Variants in ZNF514 observed in about 807,000 individuals in gnomAD.
The protein encoded by ZNF514 is zinc finger protein 514.
Under a neutral mutation model 9.7 loss-of-function variants are expected in ZNF514, and 12 were observed. The ratio of observed to expected loss-of-function variants is 1.24; its 90% CI spans 0.79 to 2.01. The LOEUF is 2.01. Among genes scored for constraint, ZNF514 ranks in the 30% most tolerant of loss-of-function variants. ZNF514 has a pLI of 0.00. For missense variants in ZNF514, 467 were observed against 465.5 expected (o/e 1.00, Z -0.03); for synonymous variants, 158 against 163.7 (o/e 0.97, Z 0.27).
chr2:95,130,777 C>T, the ZNF514 span, among the ~76,000 whole-genome samples: 2 of 152,318 alleles, frequency 1.3e-5, no homozygotes, highest in South Asian at 4.1e-4. Flanking sequence ...CTCAAACACA[C>T]ATGCTGTACA....
rs762474666 is a variant in ZNF514 at position 95,157,467 on chromosome 2, A to T, written c.-95-28T>A. ...GGGAAGGTAGAAGGAGACATAAGGG[A>T]AGCTGACCCAGCCAGCACACACAGC... is the stretch of plus-strand genomic sequence containing the variant. On this transcript the variant is annotated intron_variant, in intron 1 of 4. Coordinates refer to ENST00000295208, the MANE Select transcript of ZNF514 (RefSeq NM_032788.3). 4.0e-6 allele frequency: 5 copies of T among 1,258,576 alleles called. No homozygotes were observed. In the South Asian group the frequency reaches 6.2e-5, roughly 16 times the overall value. The allele number at this position is 1,258,576 out of a possible 1,614,324, so 78.0% of individuals were successfully genotyped here.
chr2:95,152,692 A>T lies in ZNF514; in HGVS notation c.199T>A (p.Ser67Thr). The T allele has an allele frequency of 6.2e-7, 1 of 1,614,142 alleles. No homozygotes were observed. The highest frequency in any genetic ancestry group is 8.5e-7 in the Non-Finnish European group (1 of 1,180,002). ...GEPFMVEREI[S>T]TGAHSDWKRR... is the part of the protein sequence containing the mutation. The stretch of plus-strand genomic sequence containing the variant: ...CACTCACCTGAGTGGGCTCCTGTTG[A>T]GATTTCTCTCTCCACCATGAAGGGC... The change falls in exon 4 of 5, where the codon TCA becomes ACA. Residue 67 changes from serine to threonine, a missense_variant. Transcript: ENST00000295208.
the ZNF514 span, among the ~76,000 whole-genome samples, chr2:95,132,400 G>A: frequency 6.6e-6 from 1 of 152,086 alleles, no homozygotes; most frequent in Admixed American, 6.5e-5. Context: ...TTAGGGAAAT[G>A]CAAATCAAAC....
downstream of ZNF514, among the ~76,000 whole-genome samples, chr2:95,140,450 T>C (rs1573369837): frequency 1.3e-5 from 2 of 151,696 alleles, no homozygotes; most frequent in East Asian, 1.9e-4. Context: ...TGAAACCCCA[T>C]CTCTATTAAA....
chr2:95,153,421 C>T (rs1673598657), intron 2 of ZNF514, 162 bp from the exon 3 acceptor site: 3 of 577,200 alleles, frequency 5.2e-6, no homozygotes, highest in South Asian at 1.2e-4. Flanking sequence ...GTTTTATTCT[C>T]AATCTAGTTA....
chr2:95,130,896 T>C, the ZNF514 span, among the ~76,000 whole-genome samples: 1 of 152,168 alleles, frequency 6.6e-6, no homozygotes, highest in East Asian at 1.9e-4. Flanking sequence ...ATCACAAGGG[T>C]ATTGATTGGG....
chr2:95,152,760 A>T lies in ZNF514; in HGVS notation c.131T>A (p.Val44Glu). Reference protein sequence around the residue: ...FRNLAILGLLVSKPYVICQLE... With the variant: ...FRNLAILGLLESKPYVICQLE... ...CTGGCAGATCACATATGGTTTGGAT[A>T]CTAGAAGGCCTGATGGTAGAGAAGG... The change falls in exon 4 of 5, where the codon GTA (valine) becomes GAA (glutamate). Residue 44 changes from valine to glutamate, a missense_variant. Physicochemically the swap from Val to Glu is moderately radical, Grantham distance 121. Transcript: ENST00000295208. 6.2e-7 allele frequency: 1 copy of T among 1,614,126 alleles called. No homozygotes were observed. Among genetic ancestry groups the T allele is most frequent in the Non-Finnish European group, 8.5e-7 (1 of 1,179,972 alleles).
In ZNF514 at chr2:95,149,210, T is replaced by C; in HGVS notation, c.*72A>G. 1 of 1,496,298 alleles carries C rather than the reference T, an allele frequency of 6.7e-7. No individual in the cohort carries two copies. The highest frequency in any genetic ancestry group is 2.3e-5 in the Admixed American group (1 of 44,102). 92.7% of individuals were successfully genotyped at this position (1,496,298 alleles called of 1,614,324 possible). ...ACATACATTACACCTTTAGGATCTC[T>C]CTCTGATATGAATTCTTTAAGTTCC... On this transcript the variant is annotated 3_prime_UTR_variant, in exon 5 of 5. Coordinates refer to ENST00000295208, the MANE Select transcript of ZNF514 (RefSeq NM_032788.3).
intron 4 of ZNF514, among the ~76,000 whole-genome samples, chr2:95,151,820 T>G (rs1449952034): frequency 2.0e-5 from 3 of 152,146 alleles, no homozygotes; most frequent in Non-Finnish European, 4.4e-5. Context: ...AACAGATGAC[T>G]AGATCCAGAT....
chr2:95,131,088 G>A, the ZNF514 span, among the ~76,000 whole-genome samples: 4 of 152,278 alleles, frequency 2.6e-5, no homozygotes, highest in East Asian at 3.9e-4. Context: ...CTGACTTCCC[G>A]CAATAGGAGG....
intron 2 of ZNF514, chr2:95,154,113 C>T (rs1660343736): frequency 6.6e-6 from 1 of 152,258 alleles, no homozygotes; most frequent in African/African-American, 2.4e-5. Flanking sequence ...TGAGCTTCTG[C>T]CTCACCCTGC....
chr2:95,155,972 G>A (rs1673677236), intron 2 of ZNF514, among the ~76,000 whole-genome samples: 1 of 152,180 alleles, frequency 6.6e-6, no homozygotes, highest in African/African-American at 2.4e-5. Flanking sequence ...GTCACAGTCA[G>A]CCCACTACTG....
At position 95,146,119 on chromosome 2, in the gene ZNF514, G is replaced by A. The variant is rs962881501; in HGVS notation, c.*3163C>T. ...TTAGTCTTAAGGTCTCTGTTTTAAG[G>A]CAAATGCTGGTCAACTGTGCCTACA... On this transcript the variant is annotated 3_prime_UTR_variant, in exon 5 of 5. Transcript: ENST00000295208. Among the ~76,000 whole-genome samples, 2 of 152,120 alleles carry A rather than the reference G, an allele frequency of 1.3e-5. No individual in the cohort carries two copies. The highest frequency in any genetic ancestry group is 2.9e-5 in the Non-Finnish European group (2 of 68,020).
the ZNF514 span, among the ~76,000 whole-genome samples, chr2:95,134,001 T>A: frequency 1.3e-5 from 2 of 152,292 alleles, no homozygotes; most frequent in East Asian, 3.9e-4. Flanking sequence ...TGCATGAGAA[T>A]CTACAGTTAT....
In ZNF514 at chr2:95,152,708, C is replaced by A; in HGVS notation, c.183G>T (p.Met61Ile). 1 of 1,614,150 alleles carries A rather than the reference C, an allele frequency of 6.2e-7. No individual in the cohort carries two copies. The highest frequency in any genetic ancestry group is 8.5e-7 in the Non-Finnish European group (1 of 1,180,024). Reference protein sequence around the residue: ...CQLEEGGEPFMVEREISTGAH... With the variant: ...CQLEEGGEPFIVEREISTGAH... ...CTCCTGTTGAGATTTCTCTCTCCAC[C>A]ATGAAGGGCTCACCCCCTTCCTCCA... Residue 61 changes from methionine (M) to isoleucine (I), a missense_variant, in exon 4 of 5, where the codon ATG becomes ATT. Transcript: ENST00000295208.
chr2:95,126,970 T>C, the ZNF514 span, among the ~76,000 whole-genome samples: 1 of 152,136 alleles, frequency 6.6e-6, no homozygotes, highest in African/African-American at 2.4e-5. Context: ...GACCTAAAAC[T>C]CCACCAATCA....
chr2:95,136,493 C>T, the ZNF514 span, among the ~76,000 whole-genome samples: 6 of 152,038 alleles, frequency 3.9e-5, no homozygotes, highest in Non-Finnish European at 7.4e-5. Flanking sequence ...GTGATCCACC[C>T]GCCTCTGCCT....
chr2:95,152,708 C>T lies in ZNF514; in HGVS notation c.183G>A (p.Met61Ile). The change falls in exon 4 of 5, where the codon ATG (methionine) becomes ATA (isoleucine). Residue 61 changes from methionine (M) to isoleucine (I), a missense_variant. Transcript: ENST00000295208. ...CQLEEGGEPF[M>I]VEREISTGAH... ...CTCCTGTTGAGATTTCTCTCTCCAC[C>T]ATGAAGGGCTCACCCCCTTCCTCCA... 6.2e-7 allele frequency: 1 copy of T among 1,614,150 alleles called. No homozygotes were observed.
At chr2:95,128,666 GGAA>G in the ZNF514 span, among the ~76,000 whole-genome samples, 8 of 150,310 alleles carry the variant, frequency 5.3e-5, no homozygotes, top group East Asian at 2.0e-4. Flanking sequence ...GGAGGAATAA[GGAA>G]GAAGAAGTAA....
Sources: gnomAD v4.1 joint callset for allele counts (sites outside exome capture counted in the v4.1 genomes callset) on GRCh38, gnomAD v4.1.1 for gene constraint, MANE v1.5 for transcripts, NCBI Gene and HGNC (gene_info 2026-07-23, HGNC 2026-07-21) for gene names.